The following SLC22A23 variants were observed in gnomAD, a reference collection of about 807,000 sequenced individuals.
The protein encoded by SLC22A23 is solute carrier family 22 member 23.
SLC22A23 carries 26 observed loss-of-function variants against 61.0 expected under a neutral mutation model. The observed-to-expected ratio is 0.43, with a 90% CI of 0.31 to 0.59. SLC22A23 has a LOEUF of 0.59. Ranked by LOEUF, SLC22A23 falls within the 20% of genes least tolerant of loss-of-function variation. SLC22A23 has a pLI of 0.11. For synonymous variants in SLC22A23, 430 were observed against 413.9 expected (o/e 1.04, Z -0.47); for missense variants, 796 against 934.7 (o/e 0.85, Z 1.94).
chr6:3,431,735 A>G (rs1321421438), intron 1 of SLC22A23, among the ~76,000 whole-genome samples: 1 of 152,170 alleles, frequency 6.6e-6, no homozygotes, highest in East Asian at 1.9e-4. Flanking sequence ...TATGAGGCCA[A>G]AGGAGGAGGG....
intron 9 of SLC22A23, among the ~76,000 whole-genome samples, chr6:3,279,778 T>C (rs530319650): frequency 2.0e-5 from 3 of 152,196 alleles, no homozygotes; most frequent in Non-Finnish European, 2.9e-5. Flanking sequence ...AGCTGCTTGA[T>C]TTACGGACAG....
At chr6:3,379,789 AT>A (rs1332659262) in intron 3 of SLC22A23, among the ~76,000 whole-genome samples, 1 of 147,288 alleles carries the variant, frequency 6.8e-6, no homozygotes, top group Non-Finnish European at 1.5e-5. Flanking sequence ...ACGGGCTCAG[AT>A]TGCCTGATGA....
At chr6:3,376,826 G>A (rs1286001546) in intron 3 of SLC22A23, among the ~76,000 whole-genome samples, 1 of 152,096 alleles carries the variant, frequency 6.6e-6, no homozygotes, top group Admixed American at 6.5e-5. Flanking sequence ...CCTCCTGGCT[G>A]GGAGGGTGGG....
intron 1 of SLC22A23, chr6:3,444,914 T>TC (rs1771808587): frequency 1.0e-6 from 1 of 985,220 alleles, no homozygotes. Flanking sequence ...CTTCAGCTCC[T>TC]CCCCCCTCAA....
At chr6:3,455,823 G>A in intron 1 of SLC22A23, 83 bp downstream of exon 1, 1 of 1,426,984 alleles carries the variant, frequency 7.0e-7, no homozygotes, top group Non-Finnish European at 9.2e-7. Context: ...CCACTTTGGG[G>A]ACTTCGGTTC....
intron 3 of SLC22A23, among the ~76,000 whole-genome samples, chr6:3,354,945 C>T (rs913344086): frequency 3.9e-5 from 6 of 152,260 alleles, no homozygotes; most frequent in Admixed American, 3.3e-4. Context: ...CAGAGGGTGA[C>T]AGTATCTAAC....
chr6:3,443,140 G>A (rs1356640187), intron 1 of SLC22A23, among the ~76,000 whole-genome samples: 1 of 152,224 alleles, frequency 6.6e-6, no homozygotes, highest in African/African-American at 2.4e-5. Flanking sequence ...CAATGGAGGA[G>A]AGGCAGAGAA....
At chr6:3,320,184 C>G (rs1355807837) in intron 4 of SLC22A23, among the ~76,000 whole-genome samples, 2 of 152,156 alleles carry the variant, frequency 1.3e-5, no homozygotes, top group Non-Finnish European at 2.9e-5. Flanking sequence ...GGATTCCCTC[C>G]TTGGTTTGAC....
Position 3,364,547 on chromosome 6 carries a change from G to A in SLC22A23, c.914-40545C>T, listed in dbSNP as rs750199121. ...AGATGCCCTGCTCACACCATGTGATGAGGTCACACAGGAGGCATCTAAATT... is the reference window on the plus strand; with the variant it reads ...AGATGCCCTGCTCACACCATGTGATAAGGTCACACAGGAGGCATCTAAATT... On this transcript the variant is annotated intron_variant, in intron 3 of 9. Coordinates refer to ENST00000406686, the MANE Select transcript of SLC22A23 (RefSeq NM_015482.2). Among the ~76,000 whole-genome samples the A allele has an allele frequency of 1.1e-4, 17 of 152,210 alleles. No individual in the cohort carries two copies. The East Asian group carries it at 2.5e-3, about 22-fold the overall frequency.
chr6:3,279,848 G>A (rs1339980726), intron 9 of SLC22A23, among the ~76,000 whole-genome samples: 1 of 152,074 alleles, frequency 6.6e-6, no homozygotes, highest in Non-Finnish European at 1.5e-5. Context: ...TAATACCCAC[G>A]GGATATCTTT....
intron 3 of SLC22A23, among the ~76,000 whole-genome samples, chr6:3,397,291 T>C (rs114046153): frequency 0.032 from 4,863 of 152,270 alleles, 94 homozygotes; most frequent in Non-Finnish European, 0.047. Flanking sequence ...ATTAAATAGT[T>C]CCATAGCACT....
rs1423049660 is a variant in SLC22A23 at position 3,304,590 on chromosome 6, T to G, written c.1083-6372A>C. Among the ~76,000 whole-genome samples, 1 of 149,282 alleles carries G rather than the reference T, an allele frequency of 6.7e-6. No individual in the cohort carries two copies. Among genetic ancestry groups the G allele is most frequent in the Non-Finnish European group, 1.5e-5 (1 of 66,106 alleles). On this transcript the variant is annotated intron_variant, in intron 4 of 9. Transcript: ENST00000406686. The surrounding 1 kb of genome is among the most constrained non-coding windows in gnomAD (Gnocchi z 4.3). ...CTGAAATGGATTTGTCACTACTCAC[T>G]CAAATCCACTGAGCGAGTTGGATAG...
At chr6:3,303,072 A>G (rs772421351) in intron 4 of SLC22A23, 2 of 152,262 alleles carry the variant, frequency 1.3e-5, no homozygotes, top group Non-Finnish European at 2.9e-5. Flanking sequence ...ATTTCTTAAA[A>G]GACACAAATG....
intron 5 of SLC22A23, among the ~76,000 whole-genome samples, chr6:3,294,971 GCTTA>G (rs1186722568): frequency 2.0e-5 from 3 of 152,208 alleles, no homozygotes; most frequent in Non-Finnish European, 2.9e-5. Context: ...GGCCCGAGAC[GCTTA>G]CTTACCCAGT....
intron 5 of SLC22A23, 102 bp from the exon 6 acceptor site, chr6:3,289,968 AG>A (rs1157797534): frequency 1.5e-6 from 1 of 683,478 alleles, no homozygotes; most frequent in South Asian, 1.6e-5. Context: ...GTACCACAGA[AG>A]GGAGAGAGAA....
chr6:3,445,718 G>A (rs1050765179), intron 1 of SLC22A23, among the ~76,000 whole-genome samples: 1 of 152,174 alleles, frequency 6.6e-6, no homozygotes, highest in African/African-American at 2.4e-5. Flanking sequence ...AGGAAGGAGG[G>A]AAGGGGCTCG....
At chr6:3,307,314 C>G (rs924956639) in intron 4 of SLC22A23, among the ~76,000 whole-genome samples, 14 of 152,196 alleles carry the variant, frequency 9.2e-5, no homozygotes, top group African/African-American at 3.4e-4. Context: ...CCTGATGACA[C>G]ATCTAGTGGA....
intron 3 of SLC22A23, among the ~76,000 whole-genome samples, chr6:3,385,182 G>A (rs539467231): frequency 3.6e-4 from 55 of 152,162 alleles, no homozygotes; most frequent in African/African-American, 1.3e-3. Context: ...TGCCCTAGAG[G>A]GTGAATGAAC....
chr6:3,429,132 C>G (rs1770694295), intron 1 of SLC22A23, among the ~76,000 whole-genome samples: 1 of 152,146 alleles, frequency 6.6e-6, no homozygotes, highest in South Asian at 2.1e-4. Context: ...CGTGGAAATT[C>G]TGGGATTTTA....
Sources: allele counts gnomAD v4.1 joint callset (sites outside exome capture counted in the v4.1 genomes callset), GRCh38; gene constraint gnomAD v4.1.1; non-coding constraint Gnocchi (gnomAD v3.1); transcripts MANE v1.5; gene names NCBI Gene and HGNC (gene_info 2026-07-23, HGNC 2026-07-21).